Variants in SLC25A13 observed in about 807,000 individuals in gnomAD.
SLC25A13 encodes the protein electrogenic aspartate/glutamate antiporter SLC25A13, mitochondrial.
Under a neutral mutation model 85.5 loss-of-function variants are expected in SLC25A13, and 70 were observed. The ratio of observed to expected loss-of-function variants is 0.82; its 90% CI spans 0.68 to 1.00. The LOEUF (loss-of-function observed/expected upper bound fraction) is 1.00. SLC25A13 is among the 50% of genes least tolerant of loss of function. The pLI, the probability that SLC25A13 is intolerant of heterozygous loss-of-function variation, is 0.00. For synonymous variants in SLC25A13, 259 were observed against 288.7 expected (o/e 0.90, Z 1.04); for missense variants, 765 against 819.8 (o/e 0.93, Z 0.82).
chr7:96,298,491 T>G (rs1799432899), intron 1 of SLC25A13, among the ~76,000 whole-genome samples: 1 of 152,120 alleles, frequency 6.6e-6, no homozygotes. Flanking sequence ...TGGAGTGCAA[T>G]GATGCAGTCT....
In SLC25A13 at chr7:96,320,165, T is replaced by A. The variant is rs199630271; in HGVS notation, c.15+1777A>T. Among the ~76,000 whole-genome samples the A allele has an allele frequency of 1.1e-4, 17 of 152,242 alleles. No individual in the cohort carries two copies. The East Asian group carries it at 3.3e-3, about 30-fold the overall frequency. ...GATTACAGGTGCCCACCAGCACGCC[T>A]AGCTAACTTTTTTGTATTTTTAGTA... is the stretch of plus-strand genomic sequence containing the variant. On this transcript the variant is annotated intron_variant, in intron 1 of 17. Transcript: ENST00000265631.
chr7:96,283,061 A>G (rs958337063), intron 2 of SLC25A13, among the ~76,000 whole-genome samples: 1 of 152,178 alleles, frequency 6.6e-6, no homozygotes, highest in Admixed American at 6.5e-5. Context: ...TACCAAGGGG[A>G]ATCACAAGCC....
chr7:96,166,621 T>TA (rs1162851643), intron 13 of SLC25A13, among the ~76,000 whole-genome samples: 3 of 152,206 alleles, frequency 2.0e-5, no homozygotes, highest in Non-Finnish European at 4.4e-5. Flanking sequence ...GTCATACACT[T>TA]ACTTTGTTGA....
At chr7:96,142,429 T>C (rs75375157) in intron 14 of SLC25A13, among the ~76,000 whole-genome samples, 1,997 of 152,312 alleles carry the variant, frequency 0.013, 32 homozygotes, top group African/African-American at 0.045. Flanking sequence ...CTGCAAAGGA[T>C]ATAATTTAGT....
intron 14 of SLC25A13, among the ~76,000 whole-genome samples, chr7:96,143,888 A>C (rs1352468472): frequency 6.6e-6 from 1 of 152,162 alleles, no homozygotes; most frequent in Non-Finnish European, 1.5e-5. Context: ...AAAAGAACAG[A>C]GGGAAGGAGA....
intron 5 of SLC25A13, among the ~76,000 whole-genome samples, chr7:96,196,906 A>G (rs1282031275): frequency 6.6e-6 from 1 of 152,224 alleles, no homozygotes; most frequent in African/African-American, 2.4e-5. Context: ...ACCATGCAAT[A>G]GCACTTAGCA....
intron 1 of SLC25A13, among the ~76,000 whole-genome samples, chr7:96,304,473 G>A (rs1799666600): frequency 6.6e-6 from 1 of 152,184 alleles, no homozygotes; most frequent in Non-Finnish European, 1.5e-5. Flanking sequence ...ATATTAAGAG[G>A]CAGAGTATAA....
At chr7:96,152,102 G>A (rs1383315271) in intron 13 of SLC25A13, among the ~76,000 whole-genome samples, 1 of 152,212 alleles carries the variant, frequency 6.6e-6, no homozygotes, top group Non-Finnish European at 1.5e-5. Context: ...CACACTTACA[G>A]TTCTTATCAT....
chr7:96,250,124 T>A (rs1584511964), intron 3 of SLC25A13, among the ~76,000 whole-genome samples: 1 of 151,910 alleles, frequency 6.6e-6, no homozygotes, highest in East Asian at 1.9e-4. Flanking sequence ...GAGGCGGAGG[T>A]TGCAGTGAGC....
chr7:96,185,582 C>A (rs1037957837), intron 9 of SLC25A13, among the ~76,000 whole-genome samples: 4 of 145,308 alleles, frequency 2.8e-5, no homozygotes. Flanking sequence ...GGCAACAGAG[C>A]AAGACTCTAT....
intron 5 of SLC25A13, among the ~76,000 whole-genome samples, chr7:96,197,328 T>C (rs952135307): frequency 6.6e-6 from 1 of 152,206 alleles, no homozygotes; most frequent in African/African-American, 2.4e-5. Flanking sequence ...AAAGGGCTTC[T>C]GTACACCCAG....
At chr7:96,197,810 T>C (rs938170196) in intron 5 of SLC25A13, among the ~76,000 whole-genome samples, 1 of 152,134 alleles carries the variant, frequency 6.6e-6, no homozygotes, top group South Asian at 2.1e-4. Context: ...GGGAGAACAA[T>C]ATGGGCAGTA....
At chr7:96,290,698 G>A (rs1460038450) in intron 2 of SLC25A13, among the ~76,000 whole-genome samples, 1 of 152,092 alleles carries the variant, frequency 6.6e-6, no homozygotes, top group African/African-American at 2.4e-5. Flanking sequence ...TTACATAATG[G>A]TAAAGGGATC....
At chr7:96,211,035 A>G (rs974804444) in intron 4 of SLC25A13, among the ~76,000 whole-genome samples, 1 of 152,200 alleles carries the variant, frequency 6.6e-6, no homozygotes, top group East Asian at 1.9e-4. Context: ...GCTGGTATGT[A>G]AAGCTAAGGC....
chr7:96,321,952 G>A lies in SLC25A13; in HGVS notation c.5C>T (p.Ala2Val). ...CGGGCCCGCGGTTACCTTGGCGGCCGCCATGATTCGCCCCGGTTGCGGGCG... is the reference window on the plus strand; with the variant it reads ...CGGGCCCGCGGTTACCTTGGCGGCCACCATGATTCGCCCCGGTTGCGGGCG... M[A>V]AAKVALTKRA... The change falls in exon 1 of 18, where the codon GCG becomes GTG. Residue 2 changes from alanine (A) to valine (V), a missense_variant. Ala to Val is a moderately conservative substitution (Grantham distance 64). Transcript: ENST00000265631. The A allele has an allele frequency of 6.5e-7, 1 of 1,540,376 alleles. No individual in the cohort carries two copies. The highest frequency in any genetic ancestry group is 8.7e-7 in the Non-Finnish European group (1 of 1,145,454).
At chr7:96,226,071 T>G (rs1022999585) in intron 4 of SLC25A13, among the ~76,000 whole-genome samples, 1 of 152,110 alleles carries the variant, frequency 6.6e-6, no homozygotes, top group African/African-American at 2.4e-5. Flanking sequence ...GATTTTTAAG[T>G]GTACAAAATA....
At chr7:96,234,745 GA>G in intron 4 of SLC25A13, 56 bp downstream of exon 4, 5 of 1,261,646 alleles carry the variant, frequency 4.0e-6, no homozygotes, top group Admixed American at 2.0e-5. Flanking sequence ...AAAAAAAAAA[GA>G]AAATGCTCAC....
Position 96,120,299 on chromosome 7 carries a change from C to T in SLC25A13, c.*892G>A, listed in dbSNP as rs1438325055. ...TATGCAAGGCAACATGAATTAAATA[C>T]TTATGTCAGAACATATTTGTCTTAC... On this transcript the variant is annotated 3_prime_UTR_variant, in exon 18 of 18. Coordinates refer to ENST00000265631, the MANE Select transcript of SLC25A13 (RefSeq NM_014251.3). The T allele has an allele frequency of 2.2e-6, 1 of 454,044 alleles. No individual in the cohort carries two copies. The highest frequency in any genetic ancestry group is 6.9e-5 in the East Asian group (1 of 14,400). The allele number at this position is 454,044 out of a possible 1,614,324, so 28.1% of individuals were successfully genotyped here. A position where few individuals can be genotyped will look rare whatever the true frequency, so the allele number is the denominator to read the frequency against.
rs1360885339 is a variant in SLC25A13 at position 96,120,947 on chromosome 7, A to G, written c.*244T>C. The G allele has an allele frequency of 3.2e-6, 2 of 619,450 alleles. No homozygotes were observed. The highest frequency in any genetic ancestry group is 6.0e-6 in the Non-Finnish European group (2 of 335,926). The allele number at this position is 619,450 out of a possible 1,614,324, so 38.4% of individuals were successfully genotyped here. On this transcript the variant is annotated 3_prime_UTR_variant, in exon 18 of 18. Transcript: ENST00000265631. ...ATCATGTTAGTGTTGACCAAATCCC[A>G]TCAATTTTCAGATGCAAACAAAGGT...
Sources: allele counts gnomAD v4.1 joint callset (sites outside exome capture counted in the v4.1 genomes callset), GRCh38; gene constraint gnomAD v4.1.1; transcripts MANE v1.5; gene names NCBI Gene and HGNC (gene_info 2026-07-23, HGNC 2026-07-21).